The following CAMK1D variants were observed in gnomAD, a reference collection of about 807,000 sequenced individuals.
CAMK1D encodes calcium/calmodulin-dependent protein kinase type 1D.
Under a neutral mutation model 47.7 loss-of-function variants are expected in CAMK1D, and 9 were observed. That is an observed-to-expected ratio of 0.19 (90% CI 0.11 to 0.33). The LOEUF (loss-of-function observed/expected upper bound fraction) is 0.33, where lower values mean the gene tolerates loss of function less well. Ranked by LOEUF, CAMK1D falls within the 10% of genes least tolerant of loss-of-function variation. The pLI, the probability that CAMK1D is intolerant of heterozygous loss-of-function variation, is 1.00. For missense variants in CAMK1D, 291 were observed against 488.7 expected (o/e 0.60, Z 3.81); for synonymous variants, 184 against 184.9 (o/e 0.99, Z 0.04).
chr10:12,380,424 C>A (rs1446940950), intron 1 of CAMK1D, among the ~76,000 whole-genome samples: 2 of 152,156 alleles, frequency 1.3e-5, no homozygotes, highest in Non-Finnish European at 2.9e-5. Flanking sequence ...TTGAGTTTGA[C>A]AACCCAAAGG....
At chr10:12,615,391 T>A (rs1354069262) in intron 2 of CAMK1D, among the ~76,000 whole-genome samples, 3 of 152,212 alleles carry the variant, frequency 2.0e-5, no homozygotes, top group African/African-American at 7.2e-5. Context: ...TTGTTCAAAT[T>A]CTTTGCCCTT....
intron 1 of CAMK1D, among the ~76,000 whole-genome samples, chr10:12,546,695 C>A (rs552333328): frequency 4.0e-4 from 60 of 151,260 alleles, no homozygotes; most frequent in African/African-American, 1.5e-3. Flanking sequence ...TCATTCTCAG[C>A]AAACTATCGC....
chr10:12,470,539 A>G (rs1833714490), intron 1 of CAMK1D, among the ~76,000 whole-genome samples: 2 of 150,032 alleles, frequency 1.3e-5, no homozygotes, highest in African/African-American at 2.5e-5. Flanking sequence ...TTCTTCCAAC[A>G]TGGAGTCTCG....
chr10:12,438,484 T>C (rs1223252080), intron 1 of CAMK1D, among the ~76,000 whole-genome samples: 1 of 152,276 alleles, frequency 6.6e-6, no homozygotes, highest in Non-Finnish European at 1.5e-5. Flanking sequence ...AACCCTGTTT[T>C]TGAAGCACTG....
At chr10:12,502,446 A>C (rs1164292063) in intron 1 of CAMK1D, among the ~76,000 whole-genome samples, 1 of 152,144 alleles carries the variant, frequency 6.6e-6, no homozygotes, top group Non-Finnish European at 1.5e-5. Context: ...GCTGGGTTCA[A>C]GGCAGGTCCT....
Position 12,416,986 on chromosome 10 carries a change from G to A in CAMK1D, c.92+67076G>A, listed in dbSNP as rs140502455. Among the ~76,000 whole-genome samples the A allele has an allele frequency of 6.8e-4, 104 of 152,168 alleles. No homozygotes were observed. In the South Asian group the frequency reaches 0.017, roughly 24 times the overall value. ...TTGTTAATTGTCACTGGGGGCCCGG[G>A]GTCACACTGCTTGGGCCTGCATCCC... is the stretch of plus-strand genomic sequence containing the variant. On this transcript the variant is annotated intron_variant, in intron 1 of 10. Coordinates refer to ENST00000619168, the MANE Select transcript of CAMK1D (RefSeq NM_153498.4).
chr10:12,560,409 C>T (rs1277094200), intron 2 of CAMK1D, among the ~76,000 whole-genome samples: 4 of 151,774 alleles, frequency 2.6e-5, no homozygotes, highest in African/African-American at 7.3e-5. Flanking sequence ...AAAAATTAGT[C>T]GGGCATGGTG....
intron 8 of CAMK1D, among the ~76,000 whole-genome samples, chr10:12,817,529 A>G (rs938963516): frequency 2.6e-5 from 4 of 152,196 alleles, no homozygotes; most frequent in South Asian, 2.1e-4. Flanking sequence ...TGCTAGGTTT[A>G]CACTTGACTT....
intron 6 of CAMK1D, among the ~76,000 whole-genome samples, chr10:12,808,587 G>A (rs1159395416): frequency 6.6e-6 from 1 of 152,124 alleles, no homozygotes; most frequent in East Asian, 1.9e-4. Context: ...AGACCAGCCT[G>A]GCCAACATGG....
intron 2 of CAMK1D, among the ~76,000 whole-genome samples, chr10:12,628,793 C>T (rs1457974106): frequency 6.6e-6 from 1 of 152,232 alleles, no homozygotes; most frequent in Non-Finnish European, 1.5e-5. Context: ...CTCCCTTCCC[C>T]TTCTCCTTCC....
At chr10:12,635,971 G>A (rs186016865) in intron 2 of CAMK1D, among the ~76,000 whole-genome samples, 9 of 152,298 alleles carry the variant, frequency 5.9e-5, no homozygotes, top group African/African-American at 2.2e-4. Flanking sequence ...CTTGATTACT[G>A]TGGAGGTTTC....
At chr10:12,789,362 T>A (rs1414547552) in intron 5 of CAMK1D, among the ~76,000 whole-genome samples, 4 of 152,220 alleles carry the variant, frequency 2.6e-5, no homozygotes, top group African/African-American at 9.6e-5. Context: ...GCTCTCACCT[T>A]AGCAAACAGT....
chr10:12,755,775 T>G (rs1404682706), intron 3 of CAMK1D, among the ~76,000 whole-genome samples: 1 of 152,214 alleles, frequency 6.6e-6, no homozygotes, highest in Non-Finnish European at 1.5e-5. Flanking sequence ...CTTCTGGACC[T>G]TGGGGTTTCT....
intron 8 of CAMK1D, among the ~76,000 whole-genome samples, chr10:12,819,521 G>A (rs1038997168): frequency 1.3e-5 from 2 of 152,242 alleles, no homozygotes; most frequent in African/African-American, 4.8e-5. Context: ...TGCCCCTGGA[G>A]AATCAGATCA....
Position 12,565,789 on chromosome 10 carries a change from G to A in CAMK1D, c.224+12433G>A, listed in dbSNP as rs913822251. 2.0e-5 allele frequency among the ~76,000 whole-genome samples: 3 copies of A among 152,182 alleles called. No individual in the cohort carries two copies. The South Asian group carries it at 6.2e-4, about 32-fold the overall frequency. ...CACATAACTGGTAATATGTGGAGAG[G>A]AAGTTACCCAGGTCTGTGTGTCTCT... On this transcript the variant is annotated intron_variant, in intron 2 of 10. Coordinates refer to ENST00000619168, the MANE Select transcript of CAMK1D (RefSeq NM_153498.4).
intron 3 of CAMK1D, among the ~76,000 whole-genome samples, chr10:12,743,706 G>A (rs1007143004): frequency 6.6e-6 from 1 of 152,102 alleles, no homozygotes; most frequent in Non-Finnish European, 1.5e-5. Flanking sequence ...TGGCAGTCAT[G>A]AATCTACATT....
chr10:12,400,043 G>A (rs1270489037), intron 1 of CAMK1D, among the ~76,000 whole-genome samples: 1 of 152,050 alleles, frequency 6.6e-6, no homozygotes, highest in East Asian at 1.9e-4. Context: ...TGGCTAATAC[G>A]GCATTCACGG....
chr10:12,803,130 T>C (rs1436915174), intron 6 of CAMK1D, among the ~76,000 whole-genome samples: 1 of 152,238 alleles, frequency 6.6e-6, no homozygotes, highest in East Asian at 1.9e-4. Flanking sequence ...GAACTATGCA[T>C]TAAATAAGAC....
At position 12,835,510 on chromosome 10, in the gene CAMK1D, C is replaced by T. The variant is rs7500; in HGVS notation, c.*6623C>T. The T allele has an allele frequency of 0.46, 69,997 of 152,038 alleles. 18,031 individuals are homozygous for T. The highest frequency in any genetic ancestry group is 0.71 in the African/African-American group (29,536 of 41,460). 9.4% of individuals were successfully genotyped at this position (152,038 alleles called of 1,614,324 possible). A position where few individuals can be genotyped will look rare whatever the true frequency, so the allele number is the denominator to read the frequency against. The stretch of plus-strand genomic sequence containing the variant: ...TAATGATAATGAGATTGATGACTTC[C>T]TGTTTTCCTCCAATAAAGACAATTA... On this transcript the variant is annotated 3_prime_UTR_variant, in exon 11 of 11. Coordinates refer to ENST00000619168, the MANE Select transcript of CAMK1D (RefSeq NM_153498.4).
Sources: allele counts gnomAD v4.1 joint callset (sites outside exome capture counted in the v4.1 genomes callset), GRCh38; gene constraint gnomAD v4.1.1; transcripts MANE v1.5; gene names NCBI Gene and HGNC (gene_info 2026-07-23, HGNC 2026-07-21).